Variants in ADGRG4 observed in about 807,000 individuals in gnomAD.
ADGRG4 encodes G protein-coupled receptor 112.
ADGRG4 carries 122 observed loss-of-function variants against 126.2 expected under a neutral mutation model. The observed-to-expected ratio is 0.97, with a 90% CI of 0.83 to 1.12. The LOEUF (loss-of-function observed/expected upper bound fraction) is 1.12, where lower values mean the gene tolerates loss of function less well. Ranked by LOEUF, ADGRG4 falls within the 50% of genes most tolerant of loss-of-function variation. The pLI is 0.00. For missense variants in ADGRG4, 2,481 were observed against 2,251.8 expected (o/e 1.10, Z -2.06); for synonymous variants, 943 against 838.7 (o/e 1.12, Z -2.15).
In ADGRG4 at chrX:136,346,806, T is replaced by C; in HGVS notation, c.3100T>C (p.Ser1034Pro). ...GGCTGAGGAGACTGAGGTTACCATG[T>C]CTGAGCCTTCTACACTGGCCAGGGC... ...VVAEETEVTMSEPSTLARAFS... is the reference protein window; with the variant it reads ...VVAEETEVTMPEPSTLARAFS... Residue 1034 changes from serine (S) to proline (P), a missense_variant, in exon 6 of 26, where the codon TCT becomes CCT. Transcript: ENST00000394143. The C allele has an allele frequency of 8.3e-7, 1 of 1,211,516 alleles. No homozygotes were observed. The highest frequency in any genetic ancestry group is 1.1e-6 in the Non-Finnish European group (1 of 895,230).
chrX:136,385,159 C>T lies in ADGRG4; in HGVS notation c.7777-2581C>T, dbSNP rs185040750. 6.4e-4 allele frequency among the ~76,000 whole-genome samples: 71 copies of T among 111,197 alleles called. 1 individual carries two copies. Among genetic ancestry groups the T allele is most frequent in the Non-Finnish European group, 1.0e-3 (53 of 52,987 alleles). On this transcript the variant is annotated intron_variant, in intron 15 of 25. Coordinates refer to ENST00000394143, the MANE Select transcript of ADGRG4 (RefSeq NM_153834.4). ...AAAAGGATCATTTATATTGATCTAC[C>T]TTTAAATTTGCAGACATCTGTTGTT...
chrX:136,359,445 G>GA lies in ADGRG4; in HGVS notation c.7140dup (p.Leu2381ThrfsTer9), dbSNP rs1354145445. The GA allele has an allele frequency of 8.4e-7, 1 of 1,191,569 alleles. No individual in the cohort carries two copies. The highest frequency in any genetic ancestry group is 1.1e-6 in the Non-Finnish European group (1 of 886,248). On this transcript the variant is annotated frameshift_variant, in exon 11 of 26. Transcript: ENST00000394143. LOFTEE classifies it high-confidence loss of function. ...TAGTAAACTGTGAACACGTTGCAGT[G>GA]AAAAAACTAGGTAATTTTTTTGGGG...
At chrX:136,330,843 A>G (rs749515001) in intron 5 of ADGRG4, among the ~76,000 whole-genome samples, 2 of 111,351 alleles carry the variant, frequency 1.8e-5, no homozygotes, top group Non-Finnish European at 3.8e-5. Context: ...ATCCAATTAT[A>G]CTCATTTAGT....
intron 7 of ADGRG4, among the ~76,000 whole-genome samples, chrX:136,352,870 A>T (rs1222023349): frequency 8.9e-6 from 1 of 112,192 alleles, no homozygotes; most frequent in Admixed American, 9.5e-5. Flanking sequence ...TTATTTTCTC[A>T]CAGTTCTGGA....
At chrX:136,378,640 A>T (rs1603298325) in intron 15 of ADGRG4, among the ~76,000 whole-genome samples, 1 of 111,087 alleles carries the variant, frequency 9.0e-6, no homozygotes, top group African/African-American at 3.3e-5. Context: ...TTTTTAAAAG[A>T]TGTTCTTTAT....
rs777240908 is a variant in ADGRG4 at position 136,350,124 on chromosome X, C to G, written c.6418C>G (p.Leu2140Val). ...GTCACCTTCTACAACTGACCACACTCTATCTGTTGGTGCCATGCCTCTGCC... is the reference window on the plus strand; with the variant it reads ...GTCACCTTCTACAACTGACCACACTGTATCTGTTGGTGCCATGCCTCTGCC... ...TMSPSTTDHT[L>V]SVGAMPLPSS... The change falls in exon 6 of 26, where the codon CTA becomes GTA. Residue 2140 changes from leucine (L) to valine (V), a missense_variant. By Grantham distance (32) the Leu-to-Val change is conservative. Coordinates refer to ENST00000394143, the MANE Select transcript of ADGRG4 (RefSeq NM_153834.4). 1.7e-6 allele frequency: 2 copies of G among 1,208,757 alleles called. No homozygotes were observed. Among genetic ancestry groups the G allele is most frequent in the Non-Finnish European group, 2.2e-6 (2 of 892,886 alleles).
chrX:136,385,044 T>C (rs975456946), intron 15 of ADGRG4, among the ~76,000 whole-genome samples: 2 of 111,445 alleles, frequency 1.8e-5, no homozygotes, highest in African/African-American at 6.5e-5. Context: ...CTTTTGAGAC[T>C]CCAATTACTT....
chrX:136,402,208 C>G (rs2075382995), intron 21 of ADGRG4, among the ~76,000 whole-genome samples: 1 of 112,456 alleles, frequency 8.9e-6, no homozygotes, highest in African/African-American at 3.2e-5. Flanking sequence ...ACCACAATTA[C>G]TTTTGCACCA....
At chrX:136,411,112 A>G (rs750318313) in intron 23 of ADGRG4, among the ~76,000 whole-genome samples, 36 of 111,507 alleles carry the variant, frequency 3.2e-4, no homozygotes, top group African/African-American at 1.2e-3. Flanking sequence ...GCTGGAGTGT[A>G]GTGGCTTGAT....
chrX:136,396,858 G>A (rs537896846), intron 19 of ADGRG4, among the ~76,000 whole-genome samples: 5 of 106,288 alleles, frequency 4.7e-5, no homozygotes, highest in African/African-American at 1.7e-4. Flanking sequence ...GTGCAATCTC[G>A]GGTCACTGCA....
intron 7 of ADGRG4, among the ~76,000 whole-genome samples, chrX:136,352,930 C>T (rs951182253): frequency 9.0e-6 from 1 of 111,531 alleles, no homozygotes; most frequent in Non-Finnish European, 1.9e-5. Flanking sequence ...TCTGGTGAGG[C>T]CTCTCTCCTT....
At chrX:136,339,735 T>G (rs1229314116) in intron 5 of ADGRG4, among the ~76,000 whole-genome samples, 1 of 112,443 alleles carries the variant, frequency 8.9e-6, no homozygotes, top group Admixed American at 9.4e-5. Flanking sequence ...CCTTTGGTTG[T>G]CTCTTACACC....
intron 22 of ADGRG4, among the ~76,000 whole-genome samples, chrX:136,403,902 C>G (rs1485684675): frequency 1.8e-5 from 2 of 111,474 alleles, no homozygotes; most frequent in Admixed American, 1.9e-4. Flanking sequence ...CACAATCACG[C>G]GAGAGTAGCA....
At position 136,349,497 on chromosome X, in the gene ADGRG4, T is replaced by G; in HGVS notation, c.5791T>G (p.Ser1931Ala). The G allele has an allele frequency of 8.3e-7, 1 of 1,203,330 alleles. No homozygotes were observed. The highest frequency in any genetic ancestry group is 3.0e-5 in the East Asian group (1 of 33,803). ...CACAGCCTCTCAGACTGGTCTAGTA[T>G]CTAAAGATGTCATGGCAATGTCATC... ...TFTASQTGLV[S>A]KDVMAMSSIP... The change falls in exon 6 of 26, where the codon TCT (serine) becomes GCT (alanine). Residue 1931 changes from serine (S) to alanine (A), a missense_variant. Ser to Ala is a moderately conservative substitution (Grantham distance 99). Transcript: ENST00000394143.
rs1438698408 is a variant in ADGRG4, at chrX:136,378,506, A to G, written c.7776+5442A>G. ...TTTTTGGGGGCCTATTCTGATGTTTAATACTTCCAATAAAATGTTGAATAG... is the reference window on the plus strand; with the variant it reads ...TTTTTGGGGGCCTATTCTGATGTTTGATACTTCCAATAAAATGTTGAATAG... On this transcript the variant is annotated intron_variant, in intron 15 of 25. Transcript: ENST00000394143. Among the ~76,000 whole-genome samples, 5 of 111,247 alleles carry G rather than the reference A, an allele frequency of 4.5e-5. No individual in the cohort carries two copies. In the Admixed American group the frequency reaches 4.8e-4, roughly 11 times the overall value.
At chrX:136,401,196 C>T (rs539917696) in intron 21 of ADGRG4, among the ~76,000 whole-genome samples, 6 of 111,827 alleles carry the variant, frequency 5.4e-5, no homozygotes, top group African/African-American at 2.0e-4. Flanking sequence ...CGGAATCCAT[C>T]GGAAGCACAG....
intron 5 of ADGRG4, among the ~76,000 whole-genome samples, chrX:136,333,419 G>T (rs1156635230): frequency 1.1e-5 from 1 of 92,359 alleles, no homozygotes; most frequent in South Asian, 5.3e-4. Context: ...ACCGCACCCA[G>T]CCCTAATATA....
intron 5 of ADGRG4, among the ~76,000 whole-genome samples, chrX:136,333,206 T>G (rs902363167): frequency 2.7e-5 from 3 of 111,491 alleles, no homozygotes; most frequent in Admixed American, 1.9e-4. Flanking sequence ...GATTAAAGAC[T>G]TAAACGTTAG....
At chrX:136,413,988 G>A (rs981378876) in intron 24 of ADGRG4, among the ~76,000 whole-genome samples, 172 bp from the exon 25 acceptor site, 17 of 111,507 alleles carry the variant, frequency 1.5e-4, no homozygotes, top group Non-Finnish European at 2.8e-4. Context: ...TGATCCGCCC[G>A]CCTCGGCCTC....
Sources: gnomAD v4.1 joint callset for allele counts (sites outside exome capture counted in the v4.1 genomes callset) on GRCh38, gnomAD v4.1.1 for gene constraint, MANE v1.5 for transcripts, NCBI Gene and HGNC (gene_info 2026-07-23, HGNC 2026-07-21) for gene names.